Variants in USP34 observed in about 807,000 individuals in gnomAD.
USP34 encodes the protein ubiquitin carboxyl-terminal hydrolase 34.
A neutral mutation model predicts 460.3 loss-of-function variants in USP34; 70 were observed. The observed-to-expected ratio is 0.15, with a 90% CI of 0.13 to 0.19. The LOEUF is 0.19. Ranked by LOEUF, USP34 falls within the 10% of genes least tolerant of loss-of-function variation. USP34 has a pLI of 1.00. For missense variants in USP34, 3,985 were observed against 4,236.2 expected, an observed-to-expected ratio of 0.94 and a Z score of 1.65; for synonymous variants, 1,647 against 1,405.3, an observed-to-expected ratio of 1.17 and a Z score of -3.85.
At chr2:61,223,383 T>A in intron 62 of USP34, 87 bp from the exon 63 acceptor site, 1 of 1,303,500 alleles carries the variant, frequency 7.7e-7, no homozygotes, top group Non-Finnish European at 1.1e-6. Flanking sequence ...AATTGTTGAT[T>A]CAATTATAAT....
chr2:61,275,995 T>G (rs533277122), intron 41 of USP34, among the ~76,000 whole-genome samples: 134 of 152,280 alleles, frequency 8.8e-4, no homozygotes, highest in Non-Finnish European at 1.6e-3. Flanking sequence ...AGCTGACATA[T>G]TCAAAATAAA....
At chr2:61,316,175 C>T (rs758933053) in intron 23 of USP34, among the ~76,000 whole-genome samples, 6 of 151,904 alleles carry the variant, frequency 3.9e-5, no homozygotes, top group Non-Finnish European at 8.8e-5. Context: ...CACTGCACTC[C>T]AGCAGTTATC....
intron 58 of USP34, among the ~76,000 whole-genome samples, chr2:61,230,873 A>G (rs1687875027): frequency 6.6e-6 from 1 of 151,732 alleles, no homozygotes; most frequent in African/African-American, 2.4e-5. Flanking sequence ...ACACAAAAAC[A>G]AAAAACAGTT....
At chr2:61,440,842 A>G (rs924424840) in intron 1 of USP34, among the ~76,000 whole-genome samples, 1 of 151,798 alleles carries the variant, frequency 6.6e-6, no homozygotes, top group Non-Finnish European at 1.5e-5. Flanking sequence ...AAAAAAAAAA[A>G]AAATTTCGGG....
chr2:61,294,628 C>T (rs1237485666), intron 32 of USP34, among the ~76,000 whole-genome samples: 1 of 152,060 alleles, frequency 6.6e-6, no homozygotes, highest in African/African-American at 2.4e-5. Context: ...ACCATGTTGG[C>T]CAGGCTGATC....
At chr2:61,434,434 T>A (rs201634374) in intron 1 of USP34, among the ~76,000 whole-genome samples, 3 of 152,162 alleles carry the variant, frequency 2.0e-5, no homozygotes, top group Non-Finnish European at 2.9e-5. Flanking sequence ...ACCAAGCCAA[T>A]TGAGCAACCA....
chr2:61,406,721 T>C (rs1004670501), intron 2 of USP34, among the ~76,000 whole-genome samples: 2 of 150,810 alleles, frequency 1.3e-5, no homozygotes, highest in African/African-American at 4.9e-5. Context: ...AAAAAAAATA[T>C]TGGCCAGGCG....
intron 1 of USP34, among the ~76,000 whole-genome samples, chr2:61,423,083 C>T (rs917037630): frequency 1.3e-5 from 2 of 152,148 alleles, no homozygotes; most frequent in South Asian, 2.1e-4. Flanking sequence ...GATACAAATT[C>T]AAAACACAAA....
At position 61,190,664 on chromosome 2, in the gene USP34, G is replaced by A; in HGVS notation, c.9589-6C>T. Reference sequence around the variant, plus strand: ...CAGTTTTTTGACATAGCAGACTAAAGTGGGGAGAAGATGGTTGAGCACTTA... The same window carrying A: ...CAGTTTTTTGACATAGCAGACTAAAATGGGGAGAAGATGGTTGAGCACTTA... On this transcript the variant is annotated splice_polypyrimidine_tract_variant and splice_region_variant and intron_variant, in intron 76 of 79. Transcript: ENST00000398571. 7 of 1,611,544 alleles carry A rather than the reference G, an allele frequency of 4.3e-6. No individual in the cohort carries two copies. Among genetic ancestry groups the A allele is most frequent in the South Asian group, 1.1e-5 (1 of 90,764 alleles).
intron 8 of USP34, among the ~76,000 whole-genome samples, chr2:61,372,540 G>A (rs1692659325): frequency 6.6e-6 from 1 of 152,138 alleles, no homozygotes; most frequent in African/African-American, 2.4e-5. Flanking sequence ...GGCCAGGCTG[G>A]GCAACGTAAT....
chr2:61,353,143 C>T (rs977450760), intron 10 of USP34, among the ~76,000 whole-genome samples: 1 of 152,168 alleles, frequency 6.6e-6, no homozygotes, highest in African/African-American at 2.4e-5. Flanking sequence ...CTTCTGGAGA[C>T]AGGTGGGCAG....
At chr2:61,288,552 G>A (rs1307473549) in intron 34 of USP34, 125 bp downstream of exon 34, 4 of 933,028 alleles carry the variant, frequency 4.3e-6, no homozygotes, top group Non-Finnish European at 6.5e-6. Flanking sequence ...TTAAAACAAT[G>A]CCGTCAGTTC....
chr2:61,442,136 G>T (rs1258828321), intron 1 of USP34, among the ~76,000 whole-genome samples: 1 of 152,150 alleles, frequency 6.6e-6, no homozygotes, highest in East Asian at 1.9e-4. Flanking sequence ...ATGGCTCAAA[G>T]AACTAACAAA....
chr2:61,305,943 T>TC (rs1273675180), intron 27 of USP34, among the ~76,000 whole-genome samples: 1 of 152,212 alleles, frequency 6.6e-6, no homozygotes, highest in Non-Finnish European at 1.5e-5. Context: ...GTTGTTTTTT[T>TC]CTTGTAAATT....
intron 10 of USP34, among the ~76,000 whole-genome samples, chr2:61,362,245 T>C (rs1470372973): frequency 6.6e-6 from 1 of 152,158 alleles, no homozygotes; most frequent in Non-Finnish European, 1.5e-5. Context: ...GAAAGCAACA[T>C]GGACGTTCCT....
chr2:61,228,991 C>G lies in USP34; in HGVS notation c.7204G>C (p.Asp2402His), dbSNP rs1558477757. ...TCTTCTACTGAGGTATCCATATCAT[C>G]TGACCTAAGAGACAATTAAATAGAT... ...YLQPGMEDGS[D>H]DMDTSVEDIG... The change falls in exon 60 of 80, where the codon GAT (aspartate) becomes CAT (histidine). Residue 2402 changes from aspartate (D) to histidine (H), a missense_variant. Asp to His is a moderately conservative substitution (Grantham distance 81). This residue lies in a region of USP34 where 604 missense variants were observed against 684.8 expected (regional missense o/e 0.88). Transcript: ENST00000398571. 6.3e-7 allele frequency: 1 copy of G among 1,575,428 alleles called. No homozygotes were observed. The highest frequency in any genetic ancestry group is 8.6e-7 in the Non-Finnish European group (1 of 1,161,320).
At chr2:61,336,969 T>C (rs750928451) in intron 18 of USP34, among the ~76,000 whole-genome samples, 3 of 152,140 alleles carry the variant, frequency 2.0e-5, no homozygotes, top group Non-Finnish European at 2.9e-5. Flanking sequence ...TCTTTGAAAA[T>C]AGGACCCTTA....
At chr2:61,410,026 CTG>C (rs1464082010) in intron 2 of USP34, among the ~76,000 whole-genome samples, 2 of 152,200 alleles carry the variant, frequency 1.3e-5, no homozygotes, top group Non-Finnish European at 2.9e-5. Context: ...GCGTTTCCCT[CTG>C]TGTATCAATG....
At chr2:61,317,487 A>T (rs1273573533) in intron 23 of USP34, among the ~76,000 whole-genome samples, 167 bp downstream of exon 23, 2 of 152,204 alleles carry the variant, frequency 1.3e-5, no homozygotes, top group Non-Finnish European at 2.9e-5. Context: ...AGATCACACC[A>T]CTGCACTACA....
Sources: gnomAD v4.1 joint callset for allele counts (sites outside exome capture counted in the v4.1 genomes callset) on GRCh38, gnomAD v4.1.1 for gene constraint, gnomAD v4.1.1 regional missense constraint, MANE v1.5 for transcripts, NCBI Gene and HGNC (gene_info 2026-07-23, HGNC 2026-07-21) for gene names.